The following NR3C2 variants were observed in gnomAD, a reference collection of about 807,000 sequenced individuals.
The protein encoded by NR3C2 is nuclear receptor subfamily 3 group C member 2, also known as mineralocorticoid receptor.
Under a neutral mutation model 86.4 loss-of-function variants are expected in NR3C2, and 15 were observed. The ratio of observed to expected loss-of-function variants is 0.17; its 90% confidence interval spans 0.12 to 0.27. NR3C2 has a LOEUF of 0.27. Among genes scored for constraint, NR3C2 ranks in the 10% least tolerant of loss-of-function variants. NR3C2 has a pLI of 1.00. For missense variants in NR3C2, 960 were observed against 1,195.6 expected (o/e 0.80, Z 2.91); for synonymous variants, 458 against 450.5 (o/e 1.02, Z -0.21).
chr4:148,363,236 C>A (rs1466536851), intron 2 of NR3C2, among the ~76,000 whole-genome samples: 1 of 152,100 alleles, frequency 6.6e-6, no homozygotes, highest in Non-Finnish European at 1.5e-5. Flanking sequence ...CTTTTGTATT[C>A]TTTTCTGCTT....
intron 2 of NR3C2, among the ~76,000 whole-genome samples, chr4:148,429,393 T>C (rs898303760): frequency 1.3e-5 from 2 of 152,248 alleles, no homozygotes; most frequent in African/African-American, 4.8e-5. Context: ...TATTATCTCA[T>C]ACTCCCTCCC....
chr4:148,310,232 T>C (rs1319280434), intron 2 of NR3C2, among the ~76,000 whole-genome samples: 1 of 152,196 alleles, frequency 6.6e-6, no homozygotes, highest in Non-Finnish European at 1.5e-5. Context: ...TTCCTCCAGC[T>C]ACCTGGTGCT....
rs776008482 is a variant in NR3C2 at position 148,152,597 on chromosome 4, A to T, written c.2382T>A (p.Pro794=). Reference sequence around the variant, plus strand: ...GGATTAGGGTAATTTGGTCCTCAAGAGGCAAGTTTTTAAATCCTGAAGAAC... The same window carrying T: ...GGATTAGGGTAATTTGGTCCTCAAGTGGCAAGTTTTTAAATCCTGAAGAAC... ...AKVLPGFKNL[P]LEDQITLIQY... is the part of the protein sequence containing the mutation. Residue 794 remains proline (P), a synonymous_variant, in exon 6 of 9, where the codon CCT becomes CCA. Transcript: ENST00000358102. 1 of 1,614,042 alleles carries T rather than the reference A, an allele frequency of 6.2e-7. No individual in the cohort carries two copies. The highest frequency in any genetic ancestry group is 8.5e-7 in the Non-Finnish European group (1 of 1,179,890).
chr4:148,349,011 C>G (rs1452400341), intron 2 of NR3C2, among the ~76,000 whole-genome samples: 1 of 152,110 alleles, frequency 6.6e-6, no homozygotes, highest in Non-Finnish European at 1.5e-5. Flanking sequence ...AGGAAAATAG[C>G]TCTAGAAAGA....
chr4:148,430,430 T>C (rs1157510360), intron 2 of NR3C2, among the ~76,000 whole-genome samples: 1 of 152,104 alleles, frequency 6.6e-6, no homozygotes, highest in Non-Finnish European at 1.5e-5. Flanking sequence ...ATTTTTTTAT[T>C]ATCACCACTC....
At chr4:148,377,167 T>C (rs1215505688) in intron 2 of NR3C2, among the ~76,000 whole-genome samples, 1 of 152,170 alleles carries the variant, frequency 6.6e-6, no homozygotes, top group Non-Finnish European at 1.5e-5. Context: ...TATTAGATAG[T>C]GATTGTTGCT....
chr4:148,274,703 T>C (rs1306171611), intron 2 of NR3C2, among the ~76,000 whole-genome samples: 2 of 129,888 alleles, frequency 1.5e-5, no homozygotes, highest in African/African-American at 6.8e-5. Context: ...AGGTAGTTTT[T>C]TCTTTTTTTT....
intron 8 of NR3C2, among the ~76,000 whole-genome samples, chr4:148,098,468 A>G (rs1731391786): frequency 6.7e-6 from 1 of 149,278 alleles, no homozygotes; most frequent in South Asian, 2.1e-4. Context: ...AAAATGCACA[A>G]AAATGCAAAA....
intron 2 of NR3C2, among the ~76,000 whole-genome samples, chr4:148,364,732 A>T (rs1746021676): frequency 6.6e-6 from 1 of 151,930 alleles, no homozygotes; most frequent in Non-Finnish European, 1.5e-5. Context: ...ATATGGCCTG[A>T]CTGTCCAAGG....
Position 148,165,688 on chromosome 4 carries a change from A to G in NR3C2, c.2015-10787T>C, listed in dbSNP as rs539868798. Among the ~76,000 whole-genome samples, 7 of 152,324 alleles carry G rather than the reference A, an allele frequency of 4.6e-5. No homozygotes were observed. In the South Asian group the frequency reaches 1.5e-3, roughly 32 times the overall value. On this transcript the variant is annotated intron_variant, in intron 4 of 8. Transcript: ENST00000358102. ...TATAACTGAACCATTAAAAACTATT[A>G]AAATTGCTTAGTAAGAAAAAGAAAT...
chr4:148,182,956 C>T (rs1022964185), intron 4 of NR3C2, among the ~76,000 whole-genome samples: 73 of 152,332 alleles, frequency 4.8e-4, no homozygotes, highest in African/African-American at 7.0e-4. Context: ...TCTCCTAATG[C>T]TATACCTCCC....
At chr4:148,190,368 C>T (rs1385948986) in intron 4 of NR3C2, among the ~76,000 whole-genome samples, 1 of 152,122 alleles carries the variant, frequency 6.6e-6, no homozygotes, top group Non-Finnish European at 1.5e-5. Flanking sequence ...AGTTGACGTC[C>T]AATTTTATTC....
chr4:148,335,934 G>A (rs1333989268), intron 2 of NR3C2, among the ~76,000 whole-genome samples: 1 of 152,154 alleles, frequency 6.6e-6, no homozygotes, highest in Non-Finnish European at 1.5e-5. Context: ...GTATACCCAA[G>A]TATATCATGC....
At chr4:148,440,214 A>G (rs1165270666) in intron 1 of NR3C2, among the ~76,000 whole-genome samples, 1 of 152,236 alleles carries the variant, frequency 6.6e-6, no homozygotes, top group African/African-American at 2.4e-5. Flanking sequence ...ATATTTTTCA[A>G]ATAGCATTAT....
chr4:148,389,030 A>C (rs1003393684), intron 2 of NR3C2, among the ~76,000 whole-genome samples: 3 of 152,236 alleles, frequency 2.0e-5, no homozygotes, highest in Non-Finnish European at 4.4e-5. Flanking sequence ...CAATTTTGTA[A>C]AGACACATGT....
chr4:148,179,757 TTCTA>T (rs1327338217), intron 4 of NR3C2, among the ~76,000 whole-genome samples: 7 of 151,830 alleles, frequency 4.6e-5, no homozygotes, highest in Non-Finnish European at 7.4e-5. Context: ...TTCTTTTAAA[TTCTA>T]TCTGCTTTAG....
At chr4:148,238,553 A>G (rs1355232443) in intron 3 of NR3C2, among the ~76,000 whole-genome samples, 2 of 152,124 alleles carry the variant, frequency 1.3e-5, no homozygotes, top group East Asian at 3.8e-4. Flanking sequence ...TCAAAAGATA[A>G]GAAGTTTCCA....
chr4:148,085,915 C>G (rs1009373759), intron 8 of NR3C2, among the ~76,000 whole-genome samples: 13 of 152,202 alleles, frequency 8.5e-5, no homozygotes, highest in Non-Finnish European at 1.5e-4. Flanking sequence ...CACACCCTCT[C>G]AAGTCTAAAC....
chr4:148,187,857 T>C lies in NR3C2; in HGVS notation c.2014+6889A>G, dbSNP rs546736960. 6.4e-4 allele frequency among the ~76,000 whole-genome samples: 98 copies of C among 152,348 alleles called. 1 individual carries two copies. Among genetic ancestry groups the C allele is most frequent in the African/African-American group, 2.1e-3 (88 of 41,580 alleles). Reference sequence around the variant, plus strand: ...CTAGAATTTTCATAGTTTCAGGTATTAGGTTTAAGTCCTTAATCCATCTTG... The same window carrying C: ...CTAGAATTTTCATAGTTTCAGGTATCAGGTTTAAGTCCTTAATCCATCTTG... On this transcript the variant is annotated intron_variant, in intron 4 of 8. Coordinates refer to ENST00000358102, the MANE Select transcript of NR3C2 (RefSeq NM_000901.5).
Sources: allele counts gnomAD v4.1 joint callset (sites outside exome capture counted in the v4.1 genomes callset), GRCh38; gene constraint gnomAD v4.1.1; transcripts MANE v1.5; gene names NCBI Gene and HGNC (gene_info 2026-07-23, HGNC 2026-07-21).